ZNF385B: variants seen among roughly 807,000 people sequenced by gnomAD.
ZNF385B encodes zinc finger protein 533.
In ZNF385B, 23 loss-of-function variants were observed where a neutral mutation model predicts 39.2. The observed-to-expected ratio is 0.59, with a 90% CI of 0.42 to 0.83. The LOEUF (loss-of-function observed/expected upper bound fraction) is 0.83. ZNF385B is among the 40% of genes least tolerant of loss of function. ZNF385B has a pLI of 0.00. For synonymous variants in ZNF385B, 205 were observed against 222.6 expected (o/e 0.92, Z 0.70); for missense variants, 552 against 598.9 (o/e 0.92, Z 0.82).
chr2:179,568,396 C>T (rs2105987226), intron 3 of ZNF385B, among the ~76,000 whole-genome samples: 1 of 152,302 alleles, frequency 6.6e-6, no homozygotes, highest in South Asian at 2.1e-4. Context: ...GGGATAAAAA[C>T]TATATTCCCA....
At chr2:179,759,661 T>A (rs1703249423) in intron 3 of ZNF385B, among the ~76,000 whole-genome samples, 1 of 152,210 alleles carries the variant, frequency 6.6e-6, no homozygotes, top group African/African-American at 2.4e-5. Flanking sequence ...AAAGATCACC[T>A]CCTCTGAGAA....
intron 1 of ZNF385B, among the ~76,000 whole-genome samples, chr2:179,827,451 A>G (rs1355755696): frequency 1.3e-5 from 2 of 152,106 alleles, no homozygotes; most frequent in Non-Finnish European, 1.5e-5. Context: ...CAACACAAAT[A>G]CCATTTTAAT....
intron 6 of ZNF385B, among the ~76,000 whole-genome samples, chr2:179,467,930 T>A (rs1325712945): frequency 6.6e-6 from 1 of 152,204 alleles, no homozygotes; most frequent in Non-Finnish European, 1.5e-5. Flanking sequence ...TTCTGGTAAT[T>A]CTCTGCCAGG....
At chr2:179,535,365 G>C (rs1289851115) in intron 4 of ZNF385B, among the ~76,000 whole-genome samples, 1 of 152,082 alleles carries the variant, frequency 6.6e-6, no homozygotes, top group African/African-American at 2.4e-5. Flanking sequence ...AAAATATTTC[G>C]CACATGAATA....
chr2:179,842,071 T>C (rs1353082073), intron 1 of ZNF385B, among the ~76,000 whole-genome samples: 2 of 152,216 alleles, frequency 1.3e-5, no homozygotes, highest in African/African-American at 4.8e-5. Context: ...GAGATGGAGA[T>C]AATGACAGTA....
intron 3 of ZNF385B, among the ~76,000 whole-genome samples, chr2:179,548,094 TTTTG>T (rs2060349539): frequency 6.7e-6 from 1 of 149,840 alleles, no homozygotes; most frequent in African/African-American, 2.5e-5. Flanking sequence ...ACTTTACTAA[TTTTG>T]TTTATCAGTT....
rs112741847 is a variant in ZNF385B, at chr2:179,543,038, G to A, written c.441+1789C>T. On this transcript the variant is annotated intron_variant, in intron 4 of 9. Coordinates refer to ENST00000410066, the MANE Select transcript of ZNF385B (RefSeq NM_152520.6). ...TGTAACCCCAGCAGTTTGGGAGGCC[G>A]AGGAGGGTGAATCACCTGAGGCCAG... Among the ~76,000 whole-genome samples, 660 of 152,282 alleles carry A rather than the reference G, an allele frequency of 4.3e-3. 5 individuals carry two copies. The highest frequency in any genetic ancestry group is 0.014 in the South Asian group (69 of 4,828).
At chr2:179,860,441 C>T (rs942218059) in intron 1 of ZNF385B, among the ~76,000 whole-genome samples, 7 of 152,084 alleles carry the variant, frequency 4.6e-5, no homozygotes, top group African/African-American at 1.7e-4. Context: ...AACAGATGGT[C>T]CTCCCCCTCC....
intron 1 of ZNF385B, among the ~76,000 whole-genome samples, chr2:179,826,375 T>C (rs1366377701): frequency 1.3e-5 from 2 of 152,188 alleles, no homozygotes; most frequent in East Asian, 1.9e-4. Context: ...TCTTCAGGGA[T>C]AGAGGTAGAA....
At chr2:179,663,759 T>C (rs986941015) in intron 3 of ZNF385B, among the ~76,000 whole-genome samples, 4 of 148,764 alleles carry the variant, frequency 2.7e-5, no homozygotes, top group Non-Finnish European at 4.5e-5. Context: ...GAATCTCTCA[T>C]TATCATTTAA....
At chr2:179,471,305 A>C (rs2052749866) in intron 6 of ZNF385B, among the ~76,000 whole-genome samples, 1 of 152,180 alleles carries the variant, frequency 6.6e-6, no homozygotes, top group African/African-American at 2.4e-5. Flanking sequence ...ATTAGAAGTT[A>C]TTATAAAAAT....
chr2:179,798,764 G>C (rs1705841665), intron 1 of ZNF385B, among the ~76,000 whole-genome samples: 1 of 151,924 alleles, frequency 6.6e-6, no homozygotes, highest in South Asian at 2.1e-4. Context: ...TTTTCCGTGT[G>C]GTATGCCATG....
intron 3 of ZNF385B, among the ~76,000 whole-genome samples, chr2:179,565,131 TAAG>T (rs1423354363): frequency 1.3e-5 from 2 of 152,202 alleles, no homozygotes; most frequent in African/African-American, 2.4e-5. Context: ...AATGAATTCT[TAAG>T]AAGAACAGCT....
intron 3 of ZNF385B, among the ~76,000 whole-genome samples, chr2:179,631,356 G>A (rs374584407): frequency 1.6e-4 from 25 of 152,190 alleles, no homozygotes; most frequent in African/African-American, 5.8e-4. Flanking sequence ...AGAGAGTAGC[G>A]GTCAATATTC....
At chr2:179,701,793 T>G (rs921799342) in intron 3 of ZNF385B, among the ~76,000 whole-genome samples, 6 of 152,176 alleles carry the variant, frequency 3.9e-5, no homozygotes, top group African/African-American at 1.4e-4. Flanking sequence ...ATCTCAACAA[T>G]GTTTTTAAAG....
chr2:179,575,770 T>C (rs562155311), intron 3 of ZNF385B, among the ~76,000 whole-genome samples: 3 of 150,780 alleles, frequency 2.0e-5, no homozygotes, highest in Admixed American at 6.6e-5. Flanking sequence ...CCCAAGTGTT[T>C]TGGTATTCTT....
intron 3 of ZNF385B, among the ~76,000 whole-genome samples, chr2:179,621,865 T>C (rs779210768): frequency 2.0e-5 from 3 of 152,192 alleles, no homozygotes; most frequent in Non-Finnish European, 4.4e-5. Flanking sequence ...AGGCCACTGA[T>C]GAAAATGGTA....
chr2:179,549,521 T>C lies in ZNF385B; in HGVS notation c.299-4552A>G, dbSNP rs147454087. On this transcript the variant is annotated intron_variant, in intron 3 of 9. Coordinates refer to ENST00000410066, the MANE Select transcript of ZNF385B (RefSeq NM_152520.6). ...TAATTATATACCTAACATCCCCTAT[T>C]GACTTCAAGGAGAAATGAACAGTAT... is the stretch of plus-strand genomic sequence containing the variant. Among the ~76,000 whole-genome samples the C allele has an allele frequency of 6.2e-4, 93 of 149,660 alleles. 14 individuals are homozygous for C. Among genetic ancestry groups the C allele is most frequent in the African/African-American group, 2.3e-3 (92 of 39,822 alleles).
intron 3 of ZNF385B, among the ~76,000 whole-genome samples, chr2:179,572,998 A>G (rs1351818679): frequency 6.6e-6 from 1 of 152,224 alleles, no homozygotes; most frequent in Non-Finnish European, 1.5e-5. Context: ...TTAATAAATA[A>G]TAAAGTAGCA....
Sources: gnomAD v4.1 joint callset for allele counts (sites outside exome capture counted in the v4.1 genomes callset) on GRCh38, gnomAD v4.1.1 for gene constraint, MANE v1.5 for transcripts, NCBI Gene and HGNC (gene_info 2026-07-23, HGNC 2026-07-21) for gene names.